CEP41: variants seen among roughly 807,000 people sequenced by gnomAD.
The protein encoded by CEP41 is centrosomal protein of 41 kDa.
Under a neutral mutation model 44.3 loss-of-function variants are expected in CEP41, and 32 were observed. The ratio of observed to expected loss-of-function variants is 0.72; its 90% CI spans 0.54 to 0.97. The LOEUF (loss-of-function observed/expected upper bound fraction) is 0.97, where lower values mean the gene tolerates loss of function less well. CEP41 is among the 50% of genes least tolerant of loss of function. CEP41 has a pLI of 0.00. For missense variants in CEP41, 432 were observed against 455.2 expected, an observed-to-expected ratio of 0.95 and a Z score of 0.46; for synonymous variants, 151 against 168.5, an observed-to-expected ratio of 0.90 and a Z score of 0.80.
At chr7:130,427,842 G>A in intron 2 of CEP41, 113 bp downstream of exon 2, 1 of 716,398 alleles carries the variant, frequency 1.4e-6, no homozygotes, top group Non-Finnish European at 2.5e-6. Context: ...AAGACATCAG[G>A]CAAAACAGTG....
intron 3 of CEP41, among the ~76,000 whole-genome samples, chr7:130,412,605 A>G (rs548877493): frequency 6.6e-6 from 1 of 152,220 alleles, no homozygotes; most frequent in East Asian, 1.9e-4. Flanking sequence ...AGAGTAAAGC[A>G]GGGAAGAAAT....
Position 130,396,608 on chromosome 7 carries a change from CAATT to C in CEP41, c.*2279_*2282del, listed in dbSNP as rs1554414650. On this transcript the variant is annotated 3_prime_UTR_variant, in exon 11 of 11. Coordinates refer to ENST00000223208, the MANE Select transcript of CEP41 (RefSeq NM_018718.3). ...CACTGGTCATTTAAATAATACATGT[CAATT>C]AATCTAATGAAGAAACTGGCAAAGT... 2.2e-6 allele frequency: 1 copy of C among 454,494 alleles called. No individual in the cohort carries two copies. The highest frequency in any genetic ancestry group is 4.4e-6 in the Non-Finnish European group (1 of 226,792). The allele number at this position is 454,494 out of a possible 1,614,324, so 28.2% of individuals were successfully genotyped here.
intron 8 of CEP41, 104 bp from the exon 9 acceptor site, chr7:130,400,925 G>A (rs1457553365): frequency 1.7e-5 from 13 of 762,666 alleles, no homozygotes; most frequent in Non-Finnish European, 2.8e-5. Context: ...CTGAGTTCCC[G>A]GGAACGATGG....
chr7:130,402,846 G>A (rs1562978923), intron 6 of CEP41, 47 bp from the exon 7 acceptor site: 1 of 1,604,108 alleles, frequency 6.2e-7, no homozygotes, highest in African/African-American at 1.3e-5. Context: ...GAGGTTGGTG[G>A]CTTAAAGGTC....
At position 130,394,100 on chromosome 7, in the gene CEP41, G is replaced by A. The variant is rs1225159311; in HGVS notation, c.*4791C>T. On this transcript the variant is annotated 3_prime_UTR_variant, in exon 11 of 11. Coordinates refer to ENST00000223208, the MANE Select transcript of CEP41 (RefSeq NM_018718.3). ...CTAGGAGGGAAGGGAAGCCAATAGC[G>A]AAGGGAAAGGTACATTTTCACGGTA... is the stretch of plus-strand genomic sequence containing the variant. 1.3e-5 allele frequency: 6 copies of A among 454,004 alleles called. No homozygotes were observed. Among genetic ancestry groups the A allele is most frequent in the East Asian group, 6.9e-5 (1 of 14,404 alleles). The allele number at this position is 454,004 out of a possible 1,614,324, so 28.1% of individuals were successfully genotyped here.
Position 130,398,042 on chromosome 7 carries a change from T to G in CEP41, c.*849A>C. 1 of 454,250 alleles carries G rather than the reference T, an allele frequency of 2.2e-6. No individual in the cohort carries two copies. The highest frequency in any genetic ancestry group is 1.6e-5 in the South Asian group (1 of 64,478). 28.1% of individuals were successfully genotyped at this position (454,250 alleles called of 1,614,324 possible). On this transcript the variant is annotated 3_prime_UTR_variant, in exon 11 of 11. Transcript: ENST00000223208. ...GGTATTTTCAACTGGCCATAATTTC[T>G]GTCCATCTAACATGGATGGACTGAA...
intron 3 of CEP41, among the ~76,000 whole-genome samples, chr7:130,415,290 A>C (rs1319067381): frequency 6.6e-6 from 1 of 152,236 alleles, no homozygotes; most frequent in Non-Finnish European, 1.5e-5. Flanking sequence ...TAGGGTATCA[A>C]GAAACAAGGG....
upstream of CEP41, chr7:130,441,262 G>C: frequency 4.5e-6 from 2 of 445,720 alleles, no homozygotes; most frequent in South Asian, 4.0e-5. Context: ...GGCGCGGGGG[G>C]AGGGGAAGGC....
In CEP41 at chr7:130,418,945, AC is replaced by A. The variant is rs1232523780; in HGVS notation, c.98-1980del. On this transcript the variant is annotated intron_variant, in intron 2 of 10. Coordinates refer to ENST00000223208, the MANE Select transcript of CEP41 (RefSeq NM_018718.3). ...TGAAACACTGCATTTCCAAACCACA[AC>A]CTTATTTATCCAGTCTTTATTATTG... The A allele has an allele frequency of 9.9e-6, 3 of 302,124 alleles. No individual in the cohort carries two copies. In the Admixed American group the frequency reaches 1.9e-4, roughly 20 times the overall value. 18.7% of individuals were successfully genotyped at this position (302,124 alleles called of 1,614,324 possible). A position where few individuals can be genotyped will look rare whatever the true frequency, so the allele number is the denominator to read the frequency against.
intron 10 of CEP41, chr7:130,399,504 G>T (rs373109115): frequency 1.3e-5 from 3 of 224,984 alleles, no homozygotes; most frequent in East Asian, 2.2e-4. Context: ...TTTTACCTGA[G>T]ATATACTTTT....
Position 130,396,480 on chromosome 7 carries a change from CAGAAA to C in CEP41, c.*2406_*2410del. ...CTGTGGCTCCCCCAAATCATCTCGACAGAAAAGAAGAGAGAAGTTGGCAGTTTTCA... is the reference window on the plus strand; with the variant it reads ...CTGTGGCTCCCCCAAATCATCTCGACAGAAGAGAGAAGTTGGCAGTTTTCA... On this transcript the variant is annotated 3_prime_UTR_variant, in exon 11 of 11. Coordinates refer to ENST00000223208, the MANE Select transcript of CEP41 (RefSeq NM_018718.3). The C allele has an allele frequency of 2.2e-6, 1 of 454,448 alleles. No homozygotes were observed. 28.2% of individuals were successfully genotyped at this position (454,448 alleles called of 1,614,324 possible). A position where few individuals can be genotyped will look rare whatever the true frequency, so the allele number is the denominator to read the frequency against.
At chr7:130,422,372 CT>C (rs1797535137) in intron 2 of CEP41, among the ~76,000 whole-genome samples, 1 of 152,178 alleles carries the variant, frequency 6.6e-6, no homozygotes. Context: ...ACTCTGTACT[CT>C]TACTTGGGCT....
Position 130,394,604 on chromosome 7 carries a change from C to T in CEP41, c.*4287G>A. 1 of 453,642 alleles carries T rather than the reference C, an allele frequency of 2.2e-6. No homozygotes were observed. Among genetic ancestry groups the T allele is most frequent in the Non-Finnish European group, 4.4e-6 (1 of 226,498 alleles). The allele number at this position is 453,642 out of a possible 1,614,324, so 28.1% of individuals were successfully genotyped here. A position where few individuals can be genotyped will look rare whatever the true frequency, so the allele number is the denominator to read the frequency against. ...TTCCTGTAGAGGGAGATCTAAAAAC[C>T]TCAGGGTTTTGAATGCCTCGCCCAC... On this transcript the variant is annotated 3_prime_UTR_variant, in exon 11 of 11. Coordinates refer to ENST00000223208, the MANE Select transcript of CEP41 (RefSeq NM_018718.3).
chr7:130,435,893 G>A (rs969890438), intron 1 of CEP41, among the ~76,000 whole-genome samples: 10 of 152,254 alleles, frequency 6.6e-5, no homozygotes, highest in East Asian at 1.9e-4. Context: ...AGTAGCTCAC[G>A]CTTGTAATCC....
At chr7:130,434,335 A>G (rs1352488419) in intron 1 of CEP41, among the ~76,000 whole-genome samples, 3 of 152,234 alleles carry the variant, frequency 2.0e-5, no homozygotes, top group Non-Finnish European at 4.4e-5. Flanking sequence ...AAAAAAATGT[A>G]AAAAGTAAAT....
At position 130,410,676 on chromosome 7, in the gene CEP41, C is replaced by G. The variant is rs200268498; in HGVS notation, c.277+446G>C. 1.8e-4 allele frequency among the ~76,000 whole-genome samples: 27 copies of G among 152,292 alleles called. No individual in the cohort carries two copies. The East Asian group carries it at 3.9e-3, about 22-fold the overall frequency. ...CAAACGATGGTTTCCTTCCATTCCT[C>G]CATTTTAAAATTCTGCCACCTTAGT... On this transcript the variant is annotated intron_variant, in intron 5 of 10. Transcript: ENST00000223208.
In CEP41 at chr7:130,440,993, G is replaced by A. The variant is rs201508425; in HGVS notation, c.-27C>T. 1.2e-6 allele frequency: 2 copies of A among 1,612,112 alleles called. No homozygotes were observed. The highest frequency in any genetic ancestry group is 2.2e-5 in the South Asian group (2 of 91,080). On this transcript the variant is annotated 5_prime_UTR_variant, in exon 1 of 11. Transcript: ENST00000223208. ...TTTTCTCCAACCGACCACGTTCGGG[G>A]TTCTAGCCTCACGGGTTGCCTCTAA...
upstream of CEP41, among the ~76,000 whole-genome samples, chr7:130,441,709 A>T (rs1297513886): frequency 2.6e-5 from 4 of 152,136 alleles, no homozygotes; most frequent in African/African-American, 4.8e-5. Context: ...GATGACTAGG[A>T]CCCAATCCCG....
Position 130,398,622 on chromosome 7 carries a change from A to G in CEP41, c.*269T>C. On this transcript the variant is annotated 3_prime_UTR_variant, in exon 11 of 11. Coordinates refer to ENST00000223208, the MANE Select transcript of CEP41 (RefSeq NM_018718.3). ...AAACGTAGATACTTTTTTCCTATAC[A>G]GTTTCACAAGACTTAAATATGCTGT... The G allele has an allele frequency of 1.6e-6, 1 of 640,600 alleles. No homozygotes were observed. The highest frequency in any genetic ancestry group is 1.5e-5 in the South Asian group (1 of 67,322). 39.7% of individuals were successfully genotyped at this position (640,600 alleles called of 1,614,324 possible).
Sources: allele counts gnomAD v4.1 joint callset (sites outside exome capture counted in the v4.1 genomes callset), GRCh38; gene constraint gnomAD v4.1.1; transcripts MANE v1.5; gene names NCBI Gene and HGNC (gene_info 2026-07-23, HGNC 2026-07-21).